Variants in FGF12 observed in about 807,000 individuals in gnomAD.
The protein encoded by FGF12 is fibroblast growth factor 12, also known as fibroblast growth factor 12B.
A neutral mutation model predicts 23.6 loss-of-function variants in FGF12; 14 were observed. The ratio of observed to expected loss-of-function variants is 0.59; its 90% CI spans 0.39 to 0.93. FGF12 has a LOEUF of 0.93. Among genes scored for constraint, FGF12 ranks in the 40% least tolerant of loss-of-function variants. FGF12 has a pLI of 0.00. For synonymous variants in FGF12, 62 were observed against 77.3 expected (o/e 0.80, Z 1.04); for missense variants, 175 against 217.8 (o/e 0.80, Z 1.24).
At chr3:192,688,428 A>C (rs1717835233) in intron 2 of FGF12, among the ~76,000 whole-genome samples, 1 of 152,234 alleles carries the variant, frequency 6.6e-6, no homozygotes, top group Non-Finnish European at 1.5e-5. Flanking sequence ...AAAAGAATGC[A>C]CGCATCAAAT....
At chr3:192,497,012 G>T (rs184341437) in intron 2 of FGF12, among the ~76,000 whole-genome samples, 2 of 152,160 alleles carry the variant, frequency 1.3e-5, no homozygotes, top group African/African-American at 2.4e-5. Flanking sequence ...TCATCTATAT[G>T]CTGATGAATC....
At chr3:192,310,017 G>A (rs746497607) in intron 4 of FGF12, among the ~76,000 whole-genome samples, 4 of 152,012 alleles carry the variant, frequency 2.6e-5, no homozygotes, top group Non-Finnish European at 4.4e-5. Context: ...GTAAATTATC[G>A]AGCATGAAAT....
intron 2 of FGF12, among the ~76,000 whole-genome samples, chr3:192,604,358 G>A (rs1019735131): frequency 3.3e-5 from 5 of 152,136 alleles, no homozygotes; most frequent in Non-Finnish European, 7.3e-5. Context: ...AGTAAAGATA[G>A]GCATAAGAAA....
intron 2 of FGF12, among the ~76,000 whole-genome samples, chr3:192,630,394 T>C (rs1218508160): frequency 1.3e-5 from 2 of 151,980 alleles, no homozygotes; most frequent in Admixed American, 6.6e-5. Flanking sequence ...ATTATTAATA[T>C]AGAGAAATGC....
intron 4 of FGF12, among the ~76,000 whole-genome samples, chr3:192,272,159 T>C (rs1352011551): frequency 6.6e-5 from 10 of 152,192 alleles, no homozygotes; most frequent in Middle Eastern, 3.4e-3. Context: ...CATCTGAAAA[T>C]TAAACAATCA....
chr3:192,466,600 T>A (rs766893355), intron 2 of FGF12, among the ~76,000 whole-genome samples: 1 of 152,152 alleles, frequency 6.6e-6, no homozygotes, highest in African/African-American at 2.4e-5. Context: ...ACTCCATAAT[T>A]ATAAAAAAGT....
chr3:192,292,122 TCAC>T (rs1714788858), intron 4 of FGF12, among the ~76,000 whole-genome samples: 1 of 152,128 alleles, frequency 6.6e-6, no homozygotes, highest in African/African-American at 2.4e-5. Flanking sequence ...TTAAAACTAC[TCAC>T]TAATATTGCT....
intron 4 of FGF12, among the ~76,000 whole-genome samples, chr3:192,208,069 C>T (rs747888535): frequency 1.3e-5 from 2 of 152,156 alleles, no homozygotes; most frequent in Non-Finnish European, 2.9e-5. Context: ...TTAGGCATCC[C>T]TTTACAGCTC....
intron 2 of FGF12, among the ~76,000 whole-genome samples, chr3:192,548,582 C>T (rs1338700762): frequency 6.6e-6 from 1 of 152,136 alleles, no homozygotes; most frequent in East Asian, 1.9e-4. Flanking sequence ...ACTACAATGG[C>T]TCATCTACCG....
At chr3:192,166,690 G>C (rs1715178791) in intron 5 of FGF12, among the ~76,000 whole-genome samples, 1 of 152,194 alleles carries the variant, frequency 6.6e-6, no homozygotes, top group Non-Finnish European at 1.5e-5. Context: ...CAGTAATTGA[G>C]ACGTGCTTAG....
chr3:192,421,759 T>C (rs1431989454), intron 2 of FGF12, among the ~76,000 whole-genome samples: 1 of 151,972 alleles, frequency 6.6e-6, no homozygotes, highest in Non-Finnish European at 1.5e-5. Flanking sequence ...CCATGGCATG[T>C]GTATACCTAT....
At chr3:192,500,551 C>T (rs536119461) in intron 2 of FGF12, among the ~76,000 whole-genome samples, 1 of 152,330 alleles carries the variant, frequency 6.6e-6, no homozygotes, top group Admixed American at 6.5e-5. Context: ...GTTCAGGTTA[C>T]TACTCTTTCT....
At chr3:192,377,009 T>G (rs542177194) in intron 2 of FGF12, among the ~76,000 whole-genome samples, 1 of 152,346 alleles carries the variant, frequency 6.6e-6, no homozygotes, top group East Asian at 1.9e-4. Flanking sequence ...GTTCTTACGT[T>G]AACTTCTCAG....
At chr3:192,725,224 C>G (rs1309224744) in intron 2 of FGF12, among the ~76,000 whole-genome samples, 1 of 151,810 alleles carries the variant, frequency 6.6e-6, no homozygotes, top group Non-Finnish European at 1.5e-5. Context: ...GATTGCCAAG[C>G]AGCTAACACA....
At chr3:192,520,036 G>T (rs1724778024) in intron 2 of FGF12, among the ~76,000 whole-genome samples, 1 of 152,148 alleles carries the variant, frequency 6.6e-6, no homozygotes. Flanking sequence ...ATGAGTCTGG[G>T]TTCTTTCTTT....
At position 192,666,914 on chromosome 3, in the gene FGF12, AGAT is replaced by A. The variant is rs200421386; in HGVS notation, c.13+60264_13+60266del. On this transcript the variant is annotated intron_variant, in intron 2 of 5. Coordinates refer to ENST00000445105, the MANE Select transcript of FGF12 (RefSeq NM_004113.6). ...TAGATGGATGGATAGTTGGATAGAT[AGAT>A]GATAGATAGATAGATAGATAGATAG... Among the ~76,000 whole-genome samples the A allele has an allele frequency of 4.8e-3, 620 of 129,870 alleles. 7 individuals are homozygous for A. The highest frequency in any genetic ancestry group is 0.018 in the African/African-American group (585 of 32,424). 85.2% of individuals were successfully genotyped at this position (129,870 alleles called of 152,430 possible). A position where few individuals can be genotyped will look rare whatever the true frequency, so the allele number is the denominator to read the frequency against.
chr3:192,210,717 G>A (rs989105380), intron 4 of FGF12, among the ~76,000 whole-genome samples: 3 of 148,792 alleles, frequency 2.0e-5, no homozygotes, highest in African/African-American at 7.6e-5. Context: ...TTACCATCGC[G>A]GAGCTTATAT....
At chr3:192,443,905 C>G (rs1408233174) in intron 2 of FGF12, among the ~76,000 whole-genome samples, 1 of 152,172 alleles carries the variant, frequency 6.6e-6, no homozygotes, top group Non-Finnish European at 1.5e-5. Flanking sequence ...AGAGCTCAAA[C>G]AGAGTGGCTG....
chr3:192,170,672 A>C lies in FGF12; in HGVS notation c.229-16T>G. 4 of 1,575,498 alleles carry C rather than the reference A, an allele frequency of 2.5e-6. No individual in the cohort carries two copies. The South Asian group carries it at 3.5e-5, about 14-fold the overall frequency. On this transcript the variant is annotated splice_polypyrimidine_tract_variant and intron_variant, in intron 4 of 5. Transcript: ENST00000445105. ...TGAAAACATCCTGTAGGAAAAAAAAAAAAAGACACAAAAAAGAGAAATGAT... is the reference window on the plus strand; with the variant it reads ...TGAAAACATCCTGTAGGAAAAAAAACAAAAGACACAAAAAAGAGAAATGAT...
Sources: allele counts gnomAD v4.1 joint callset (sites outside exome capture counted in the v4.1 genomes callset), GRCh38; gene constraint gnomAD v4.1.1; transcripts MANE v1.5; gene names NCBI Gene and HGNC (gene_info 2026-07-23, HGNC 2026-07-21).